The following GPM6B variants were observed in gnomAD, a reference collection of about 807,000 sequenced individuals.
GPM6B encodes the protein glycoprotein M6B.
GPM6B carries 4 observed loss-of-function variants against 27.2 expected under a neutral mutation model. That is an observed-to-expected ratio of 0.15 (90% CI 0.07 to 0.34). The LOEUF (loss-of-function observed/expected upper bound fraction) is 0.34. GPM6B is among the 10% of genes least tolerant of loss of function. The pLI is 1.00. For missense variants in GPM6B, 183 were observed against 261.9 expected (o/e 0.70, Z 2.08); for synonymous variants, 124 against 103.1 (o/e 1.20, Z -1.23).
At position 13,771,525 on chromosome X, in the gene GPM6B, G is replaced by A. The variant is rs1346544650; in HGVS notation, c.*1356C>T. Reference sequence around the variant, plus strand: ...CTTCCTTTCATTTGAATACATTTCTGCACATGTATGTTATAAAATCCAGGA... The same window carrying A: ...CTTCCTTTCATTTGAATACATTTCTACACATGTATGTTATAAAATCCAGGA... On this transcript the variant is annotated 3_prime_UTR_variant, in exon 8 of 8. Coordinates refer to ENST00000316715, the MANE Select transcript of GPM6B (RefSeq NM_001001995.3). 1 of 111,891 alleles carries A rather than the reference G, an allele frequency of 8.9e-6. No individual in the cohort carries two copies. The highest frequency in any genetic ancestry group is 3.3e-5 in the African/African-American group (1 of 30,750). The allele number at this position is 111,891 out of a possible 1,213,427, so 9.2% of individuals were successfully genotyped here.
chrX:13,856,136 T>A (rs1019386741), intron 1 of GPM6B, among the ~76,000 whole-genome samples: 1 of 112,156 alleles, frequency 8.9e-6, no homozygotes, highest in Non-Finnish European at 1.9e-5. Flanking sequence ...GTTTCTTACA[T>A]ATCATTATTA....
chrX:13,855,018 C>G (rs1361508938), intron 1 of GPM6B, among the ~76,000 whole-genome samples: 1 of 92,670 alleles, frequency 1.1e-5, no homozygotes, highest in South Asian at 4.8e-4. Flanking sequence ...TCATAGTTAG[C>G]CACTCCCCTT....
intron 1 of GPM6B, among the ~76,000 whole-genome samples, chrX:13,877,570 C>T (rs2050046743): frequency 9.1e-6 from 1 of 110,057 alleles, no homozygotes; most frequent in Non-Finnish European, 1.9e-5. Flanking sequence ...CATCTGTAAT[C>T]CCAGCACTTT....
chrX:13,821,468 T>C (rs954240840), upstream of GPM6B, among the ~76,000 whole-genome samples: 2 of 112,837 alleles, frequency 1.8e-5, no homozygotes, highest in Non-Finnish European at 3.7e-5. Context: ...GGGAATCCCA[T>C]GTAGACCTCT....
At chrX:13,785,594 G>T in intron 3 of GPM6B, 28 bp downstream of exon 3, 6 of 1,190,436 alleles carry the variant, frequency 5.0e-6, no homozygotes, top group Non-Finnish European at 6.8e-6. Flanking sequence ...GGCCTTAGAT[G>T]CATTTTTAAA....
chrX:13,874,609 C>A (rs1014122960), intron 1 of GPM6B, among the ~76,000 whole-genome samples: 2 of 110,634 alleles, frequency 1.8e-5, no homozygotes, highest in African/African-American at 3.3e-5. Flanking sequence ...ACTTGGGAAG[C>A]CAGGGCAGGA....
At chrX:13,817,574 C>T (rs1314941288), upstream of GPM6B, among the ~76,000 whole-genome samples, 9 of 112,306 alleles carry the variant, frequency 8.0e-5, no homozygotes, top group South Asian at 3.7e-4. Context: ...ATTTACCCCT[C>T]GACCCTGGCA....
chrX:13,779,292 GATTT>G (rs1012053633), intron 5 of GPM6B, among the ~76,000 whole-genome samples: 2 of 83,137 alleles, frequency 2.4e-5, no homozygotes, highest in Non-Finnish European at 4.2e-5. Context: ...AGCTGATAAT[GATTT>G]ATAGAGTATG....
chrX:13,824,194 G>A (rs1345898027), intron 1 of GPM6B, among the ~76,000 whole-genome samples: 1 of 111,977 alleles, frequency 8.9e-6, no homozygotes, highest in Admixed American at 9.4e-5. Context: ...CCCCGGTTCT[G>A]ATGACCTAAA....
chrX:13,875,461 C>T (rs1377671880), intron 1 of GPM6B, among the ~76,000 whole-genome samples: 3 of 111,520 alleles, frequency 2.7e-5, no homozygotes, highest in Non-Finnish European at 3.8e-5. Flanking sequence ...AAAGGCCGCA[C>T]GGGTAGCTCC....
intron 1 of GPM6B, among the ~76,000 whole-genome samples, chrX:13,880,273 A>G (rs1448580454): frequency 1.8e-5 from 2 of 111,739 alleles, no homozygotes; most frequent in Admixed American, 9.5e-5. Context: ...GCTATGCTCA[A>G]AGCAGGGGAC....
At chrX:13,830,732 T>C (rs960580672) in intron 1 of GPM6B, among the ~76,000 whole-genome samples, 2 of 112,479 alleles carry the variant, frequency 1.8e-5, no homozygotes, top group South Asian at 7.3e-4. Context: ...TAATTTAAAA[T>C]GACATTAAGT....
chrX:13,826,563 C>CATACATACAT (rs1569239981), intron 1 of GPM6B, among the ~76,000 whole-genome samples: 960 of 67,986 alleles, frequency 0.014, 13 homozygotes, highest in African/African-American at 0.035. Context: ...CATACATACA[C>CATACATACAT]ACATACATAC....
chrX:13,805,314 T>TC (rs1390628972), intron 2 of GPM6B, among the ~76,000 whole-genome samples: 1 of 111,764 alleles, frequency 8.9e-6, no homozygotes, highest in Non-Finnish European at 1.9e-5. Flanking sequence ...AATTTTTTTT[T>TC]CTCCCCTAAC....
chrX:13,924,833 C>A lies in GPM6B; in HGVS notation c.-198+13494G>T, dbSNP rs1025282993. ...CCCTGCTCTTGGAGAAAATATCAGG[C>A]AAGCAAAATTAATTGTGGTATGTTA... On this transcript the variant is annotated intron_variant, in intron 1 of 6. Transcript: ENST00000398361. 2.7e-5 allele frequency among the ~76,000 whole-genome samples: 3 copies of A among 111,581 alleles called. No homozygotes were observed. The Admixed American group carries it at 2.9e-4, about 11-fold the overall frequency.
intron 1 of GPM6B, among the ~76,000 whole-genome samples, chrX:13,931,931 A>AC (rs1921586956): frequency 8.9e-6 from 1 of 111,799 alleles, no homozygotes; most frequent in Admixed American, 9.5e-5. Context: ...CTAAGTCACC[A>AC]CTGGAAACTT....
At chrX:13,775,783 C>T (rs988904395) in intron 7 of GPM6B, among the ~76,000 whole-genome samples, 7 of 112,444 alleles carry the variant, frequency 6.2e-5, no homozygotes, top group African/African-American at 1.6e-4. Flanking sequence ...GTCCAGCATT[C>T]GCTAATTCAT....
chrX:13,926,444 A>C (rs1286448503), intron 1 of GPM6B, among the ~76,000 whole-genome samples: 2 of 106,537 alleles, frequency 1.9e-5, no homozygotes, highest in East Asian at 5.8e-4. Flanking sequence ...AAAACACACA[A>C]AAAAAGCAGA....
intron 1 of GPM6B, among the ~76,000 whole-genome samples, chrX:13,923,100 C>T (rs1921010357): frequency 9.0e-6 from 1 of 110,687 alleles, no homozygotes; most frequent in Admixed American, 9.6e-5. Flanking sequence ...AGCTTGAACC[C>T]AGGACGCAGA....
Sources: allele counts gnomAD v4.1 joint callset (sites outside exome capture counted in the v4.1 genomes callset), GRCh38; gene constraint gnomAD v4.1.1; transcripts MANE v1.5; gene names NCBI Gene and HGNC (gene_info 2026-07-23, HGNC 2026-07-21).